Variants in EPB41L3 observed in about 807,000 individuals in gnomAD.
The protein encoded by EPB41L3 is band 4.1-like protein 3.
A neutral mutation model predicts 127.1 loss-of-function variants in EPB41L3; 57 were observed. The ratio of observed to expected loss-of-function variants is 0.45; its 90% CI spans 0.36 to 0.56. The LOEUF is 0.56. Ranked by LOEUF, EPB41L3 falls within the 20% of genes least tolerant of loss-of-function variation. The pLI, the probability that EPB41L3 is intolerant of heterozygous loss-of-function variation, is 0.00. For synonymous variants in EPB41L3, 572 were observed against 549.5 expected (o/e 1.04, Z -0.57); for missense variants, 1,273 against 1,372.2 (o/e 0.93, Z 1.14).
At chr18:5,617,563 C>T (rs542477569) in intron 1 of EPB41L3, among the ~76,000 whole-genome samples, 2 of 152,158 alleles carry the variant, frequency 1.3e-5, no homozygotes, top group Non-Finnish European at 2.9e-5. Flanking sequence ...CGCGATCCGC[C>T]CGCCTCGGCC....
At chr18:5,507,365 G>T (rs1484927389) in intron 1 of EPB41L3, among the ~76,000 whole-genome samples, 1 of 152,022 alleles carries the variant, frequency 6.6e-6, no homozygotes, top group Non-Finnish European at 1.5e-5. Context: ...TTTCAAAAAG[G>T]ATTAACAATA....
At chr18:5,399,488 G>A in intron 16 of EPB41L3, 1 of 397,676 alleles carries the variant, frequency 2.5e-6, no homozygotes, top group Non-Finnish European at 4.4e-6. Flanking sequence ...ATGCAGGTCT[G>A]TGATGGGACC....
At position 5,592,339 on chromosome 18, in the gene EPB41L3, G is replaced by A. The variant is rs562232570; in HGVS notation, c.-306+20001C>T. ...ATGCCACCATGCCTGGCTAATTTTT[G>A]TACTTTTAGGAGAGACAGGGTTTCA... On this transcript the variant is annotated intron_variant, in intron 3 of 21. Coordinates refer to the EPB41L3 transcript ENST00000545076. 1.3e-4 allele frequency among the ~76,000 whole-genome samples: 20 copies of A among 152,156 alleles called. No homozygotes were observed. The East Asian group carries it at 3.5e-3, about 27-fold the overall frequency.
At chr18:5,486,933 T>C (rs1304126237) in intron 2 of EPB41L3, among the ~76,000 whole-genome samples, 2 of 152,076 alleles carry the variant, frequency 1.3e-5, no homozygotes, top group Non-Finnish European at 1.5e-5. Flanking sequence ...CCTTGAAAAC[T>C]AAAAATAGAA....
chr18:5,484,865 G>T (rs1408644706), intron 2 of EPB41L3, among the ~76,000 whole-genome samples: 1 of 151,338 alleles, frequency 6.6e-6, no homozygotes, highest in African/African-American at 2.4e-5. Context: ...ATCAAAAAAA[G>T]CCCAAGACCT....
At chr18:5,465,513 T>C (rs2084799459) in intron 3 of EPB41L3, among the ~76,000 whole-genome samples, 1 of 152,194 alleles carries the variant, frequency 6.6e-6, no homozygotes, top group Non-Finnish European at 1.5e-5. Flanking sequence ...CCAATCTGTA[T>C]GGTATTTTAT....
At chr18:5,421,560 G>A (rs1297334913) in intron 11 of EPB41L3, among the ~76,000 whole-genome samples, 2 of 152,080 alleles carry the variant, frequency 1.3e-5, no homozygotes, top group Non-Finnish European at 2.9e-5. Context: ...TAACTTCCTA[G>A]GCTAGCTCAC....
intron 3 of EPB41L3, among the ~76,000 whole-genome samples, chr18:5,553,075 T>C (rs1024362625): frequency 6.6e-6 from 1 of 152,212 alleles, no homozygotes; most frequent in Non-Finnish European, 1.5e-5. Context: ...GAAAAGACTA[T>C]TTCTACTACT....
chr18:5,614,469 A>C (rs2094768197), intron 1 of EPB41L3: 2 of 152,134 alleles, frequency 1.3e-5, no homozygotes, highest in Admixed American at 6.5e-5. Flanking sequence ...CCTGCTCTGG[A>C]GTCTCTCCGC....
At chr18:5,495,399 TAA>T (rs200781678) in intron 1 of EPB41L3, among the ~76,000 whole-genome samples, 5,560 of 115,960 alleles carry the variant, frequency 0.048, 190 homozygotes, top group South Asian at 0.1. Context: ...ATTGGAAACT[TAA>T]AAAAAAAAAA....
intron 14 of EPB41L3, among the ~76,000 whole-genome samples, chr18:5,408,646 GTT>G (rs564636469): frequency 2.1e-5 from 3 of 140,564 alleles, no homozygotes; most frequent in Admixed American, 1.4e-4. Context: ...AACTAAGAAA[GTT>G]TTTTTTTTTT....
At chr18:5,629,669 C>G (rs2094968058), upstream of EPB41L3, among the ~76,000 whole-genome samples, 1 of 152,150 alleles carries the variant, frequency 6.6e-6, no homozygotes, top group Non-Finnish European at 1.5e-5. Context: ...GCTAGCGGTT[C>G]GAGCTGCAGG....
At chr18:5,471,261 C>T (rs1054498815) in intron 3 of EPB41L3, among the ~76,000 whole-genome samples, 8 of 152,146 alleles carry the variant, frequency 5.3e-5, no homozygotes, top group African/African-American at 1.2e-4. Context: ...AGGGCAGCAC[C>T]GCCATCTGAA....
intron 1 of EPB41L3, among the ~76,000 whole-genome samples, chr18:5,491,814 G>A (rs777714166): frequency 2.0e-5 from 3 of 152,166 alleles, no homozygotes; most frequent in Non-Finnish European, 4.4e-5. Flanking sequence ...TAAAATGTAC[G>A]TCTTTTTTAA....
At chr18:5,529,952 G>A (rs1306802570) in intron 1 of EPB41L3, among the ~76,000 whole-genome samples, 1 of 151,822 alleles carries the variant, frequency 6.6e-6, no homozygotes, top group Non-Finnish European at 1.5e-5. Flanking sequence ...GTGTGTGTGT[G>A]TGTGTGTGTA....
At chr18:5,545,495 CAT>C (rs2093861978), upstream of EPB41L3, among the ~76,000 whole-genome samples, 1 of 152,018 alleles carries the variant, frequency 6.6e-6, no homozygotes, top group Admixed American at 6.5e-5. Context: ...AGGGTTTTTT[CAT>C]GTTGAAGAGG....
intron 1 of EPB41L3, among the ~76,000 whole-genome samples, chr18:5,527,586 G>C (rs2093272153): frequency 6.6e-6 from 1 of 152,192 alleles, no homozygotes; most frequent in African/African-American, 2.4e-5. Flanking sequence ...TATTCTGGTT[G>C]AGGGAGAAAC....
chr18:5,598,049 A>G (rs2094553941), intron 3 of EPB41L3, among the ~76,000 whole-genome samples: 1 of 152,158 alleles, frequency 6.6e-6, no homozygotes, highest in African/African-American at 2.4e-5. Flanking sequence ...CTGGGAAATA[A>G]AAGAGCTGAG....
chr18:5,393,480 T>C lies in EPB41L3; in HGVS notation c.*7-2A>G. ...ATTCATGTGCAAGCTAAGTTATTCC[T>C]GCAAAAAAGACATTTGATTAGTTAC... On this transcript the variant is annotated splice_acceptor_variant, in intron 22 of 22. Coordinates refer to ENST00000341928, the MANE Select transcript of EPB41L3 (RefSeq NM_012307.5). LOFTEE classifies it low-confidence loss of function (3UTR_SPLICE). The C allele has an allele frequency of 1.4e-6, 1 of 701,484 alleles. No individual in the cohort carries two copies. The highest frequency in any genetic ancestry group is 1.5e-5 in the South Asian group (1 of 67,382). 43.5% of individuals were successfully genotyped at this position (701,484 alleles called of 1,614,324 possible).
Sources: gnomAD v4.1 joint callset for allele counts (sites outside exome capture counted in the v4.1 genomes callset) on GRCh38, gnomAD v4.1.1 for gene constraint, MANE v1.5 for transcripts, NCBI Gene and HGNC (gene_info 2026-07-23, HGNC 2026-07-21) for gene names.